PTPRN2: variants seen among roughly 807,000 people sequenced by gnomAD.
PTPRN2 encodes the protein receptor-type tyrosine-protein phosphatase N2.
In PTPRN2, 74 loss-of-function variants were observed where a neutral mutation model predicts 118.8. The ratio of observed to expected loss-of-function variants is 0.62; its 90% CI spans 0.52 to 0.76. The LOEUF (loss-of-function observed/expected upper bound fraction) is 0.76, where lower values mean the gene tolerates loss of function less well. Among genes scored for constraint, PTPRN2 ranks in the 30% least tolerant of loss-of-function variants. The pLI is 0.00. For missense variants in PTPRN2, 1,481 were observed against 1,394.4 expected, an observed-to-expected ratio of 1.06 and a Z score of -0.99; for synonymous variants, 641 against 608.0, an observed-to-expected ratio of 1.05 and a Z score of -0.80.
chr7:157,623,833 C>T (rs75693660), intron 14 of PTPRN2, among the ~76,000 whole-genome samples: 4,224 of 152,282 alleles, frequency 0.028, 91 homozygotes, highest in Non-Finnish European at 0.044. Flanking sequence ...GTGTTTGTCC[C>T]GTTCTGCTCA....
chr7:158,455,706 AC>A (rs1364695160), intron 2 of PTPRN2, among the ~76,000 whole-genome samples: 17 of 141,134 alleles, frequency 1.2e-4, no homozygotes, highest in Admixed American at 1.4e-4. Flanking sequence ...AGAGAAGACA[AC>A]GGCATGGACG....
chr7:157,905,307 T>C (rs1345822094), intron 11 of PTPRN2, among the ~76,000 whole-genome samples: 1 of 152,254 alleles, frequency 6.6e-6, no homozygotes, highest in Non-Finnish European at 1.5e-5. Context: ...TTCAGCCAGA[T>C]GTCCATCAAA....
rs575098183 is a variant in PTPRN2, at chr7:158,130,490, C to A, written c.1556+3187G>T. Among the ~76,000 whole-genome samples, 1,002 of 151,346 alleles carry A rather than the reference C, an allele frequency of 6.6e-3. 13 individuals are homozygous for A. The highest frequency in any genetic ancestry group is 0.017 in the Middle Eastern group (5 of 294). On this transcript the variant is annotated intron_variant, in intron 9 of 22. Coordinates refer to ENST00000389418, the MANE Select transcript of PTPRN2 (RefSeq NM_002847.5). ...TCATATACACACATGCACATATGCACAAACTTCTACCCAACACACACACTC... is the reference window on the plus strand; with the variant it reads ...TCATATACACACATGCACATATGCAAAAACTTCTACCCAACACACACACTC...
intron 11 of PTPRN2, among the ~76,000 whole-genome samples, chr7:157,956,250 T>A (rs1280913138): frequency 6.6e-6 from 1 of 152,110 alleles, no homozygotes; most frequent in Non-Finnish European, 1.5e-5. Flanking sequence ...CCCTGACGTG[T>A]TGGAGACAGC....
At position 157,874,302 on chromosome 7, in the gene PTPRN2, G is replaced by A. The variant is rs919763755; in HGVS notation, c.1788+24371C>T. Among the ~76,000 whole-genome samples, 1 of 152,132 alleles carries A rather than the reference G, an allele frequency of 6.6e-6. No individual in the cohort carries two copies. The highest frequency in any genetic ancestry group is 1.5e-5 in the Non-Finnish European group (1 of 68,018). Reference sequence around the variant, plus strand: ...AGATCACAGCCCCTAAGCCTGGACTGCAGTGCTCCACTTGGCCTCGCCCAC... The same window carrying A: ...AGATCACAGCCCCTAAGCCTGGACTACAGTGCTCCACTTGGCCTCGCCCAC... On this transcript the variant is annotated intron_variant, in intron 12 of 22. Coordinates refer to ENST00000389418, the MANE Select transcript of PTPRN2 (RefSeq NM_002847.5). This position sits in a 1 kb window ranked among gnomAD's most constrained non-coding sequence, Gnocchi z 5.8.
intron 9 of PTPRN2, among the ~76,000 whole-genome samples, chr7:158,128,540 A>G (rs923010342): frequency 3.3e-5 from 5 of 152,206 alleles, no homozygotes; most frequent in Non-Finnish European, 5.9e-5. Flanking sequence ...TCTACTGGAA[A>G]GTCACAAGCA....
intron 3 of PTPRN2, among the ~76,000 whole-genome samples, chr7:158,282,382 G>A (rs1238318631): frequency 6.6e-6 from 1 of 152,228 alleles, no homozygotes; most frequent in Non-Finnish European, 1.5e-5. Context: ...GTGGGAACTT[G>A]CCAGTGAATG....
At chr7:157,768,501 C>A (rs1227151929) in intron 12 of PTPRN2, among the ~76,000 whole-genome samples, 3 of 152,210 alleles carry the variant, frequency 2.0e-5, no homozygotes, top group Non-Finnish European at 4.4e-5. Context: ...GAGCACGCGG[C>A]CGCAACACTT....
chr7:158,120,301 T>C (rs1585502219), intron 9 of PTPRN2, among the ~76,000 whole-genome samples: 2 of 152,328 alleles, frequency 1.3e-5, no homozygotes, highest in East Asian at 3.9e-4. Flanking sequence ...TTAACGCTAC[T>C]GAATTCTATG....
intron 11 of PTPRN2, among the ~76,000 whole-genome samples, chr7:158,053,076 GTC>G (rs1050818194): frequency 1.2e-4 from 19 of 152,218 alleles, no homozygotes; most frequent in Non-Finnish European, 1.5e-5. Context: ...CAGAAGCACA[GTC>G]TCTCTCAGTC....
chr7:158,263,857 G>A (rs531112245), intron 3 of PTPRN2, among the ~76,000 whole-genome samples: 2 of 152,270 alleles, frequency 1.3e-5, no homozygotes, highest in South Asian at 2.1e-4. Context: ...CTGCAATGAC[G>A]GCCGAGCCAG....
chr7:157,955,556 C>T (rs1332672753), intron 11 of PTPRN2, among the ~76,000 whole-genome samples: 4 of 152,208 alleles, frequency 2.6e-5, no homozygotes, highest in South Asian at 2.1e-4. Flanking sequence ...TCTGCACCTG[C>T]GTCTGCTTCC....
rs372365383 is a variant in PTPRN2, at chr7:158,547,964, C to T, written c.112+39594G>A. On this transcript the variant is annotated intron_variant, in intron 1 of 22. Transcript: ENST00000389418. ...CAGGCACGACCTTGCCCATGGGGGT[C>T]ACCCACTCCGACCCACAGGGGTGGC... 1.2e-4 allele frequency among the ~76,000 whole-genome samples: 19 copies of T among 152,386 alleles called. No homozygotes were observed. The East Asian group carries it at 3.1e-3, about 25-fold the overall frequency.
At chr7:157,992,796 C>T (rs1484901423) in intron 11 of PTPRN2, among the ~76,000 whole-genome samples, 1 of 152,232 alleles carries the variant, frequency 6.6e-6, no homozygotes, top group Non-Finnish European at 1.5e-5. Flanking sequence ...GAATCACTGC[C>T]CACGCCTAAA....
chr7:158,558,713 A>C (rs573469047), intron 1 of PTPRN2, among the ~76,000 whole-genome samples: 3 of 150,960 alleles, frequency 2.0e-5, no homozygotes, highest in Non-Finnish European at 2.9e-5. Flanking sequence ...ATTCACGCCA[A>C]GCCAGGCAGG....
At chr7:157,555,453 G>T (rs911744306) in intron 21 of PTPRN2, among the ~76,000 whole-genome samples, 1 of 152,194 alleles carries the variant, frequency 6.6e-6, no homozygotes, top group Admixed American at 6.5e-5. Context: ...CCTGGACTCT[G>T]GCTCTTGGCT....
chr7:157,741,407 C>T (rs994303288), intron 12 of PTPRN2, among the ~76,000 whole-genome samples: 2 of 152,232 alleles, frequency 1.3e-5, no homozygotes, highest in Non-Finnish European at 2.9e-5. Flanking sequence ...CCGGCCTGCT[C>T]TTAGTCCCCC....
intron 1 of PTPRN2, among the ~76,000 whole-genome samples, chr7:158,540,954 CTT>C (rs1416799674): frequency 9.2e-5 from 14 of 152,218 alleles, no homozygotes; most frequent in Non-Finnish European, 1.9e-4. Flanking sequence ...AAGTTACCTT[CTT>C]TAATCCCTAC....
At chr7:157,800,900 C>T (rs1167102776) in intron 12 of PTPRN2, among the ~76,000 whole-genome samples, 5 of 151,396 alleles carry the variant, frequency 3.3e-5, no homozygotes, top group Admixed American at 6.6e-5. Context: ...TGCAGTGAGC[C>T]GAGATCGCAC....
Sources: gnomAD v4.1 joint callset for allele counts (sites outside exome capture counted in the v4.1 genomes callset) on GRCh38, gnomAD v4.1.1 for gene constraint, Gnocchi (gnomAD v3.1) non-coding constraint, MANE v1.5 for transcripts, NCBI Gene and HGNC (gene_info 2026-07-23, HGNC 2026-07-21) for gene names.